The following CSMD3 variants were observed in gnomAD, a reference collection of about 807,000 sequenced individuals.
CSMD3 encodes the protein CUB and sushi domain-containing protein 3.
Under a neutral mutation model 435.2 loss-of-function variants are expected in CSMD3, and 177 were observed. The ratio of observed to expected loss-of-function variants is 0.41; its 90% CI spans 0.36 to 0.46. The LOEUF (loss-of-function observed/expected upper bound fraction) is 0.46, where lower values mean the gene tolerates loss of function less well. Among genes scored for constraint, CSMD3 ranks in the 20% least tolerant of loss-of-function variants. The pLI is 0.34. For synonymous variants in CSMD3, 1,656 were observed against 1,520.5 expected (o/e 1.09, Z -2.07); for missense variants, 4,265 against 4,504.6 (o/e 0.95, Z 1.52).
In CSMD3 at chr8:112,406,662, C is replaced by T; in HGVS notation, c.5671G>A (p.Gly1891Ser). Residue 1891 changes from glycine to serine, a missense_variant, in exon 35 of 71, where the codon GGC becomes AGC. Gly to Ser is a moderately conservative substitution (Grantham distance 56, BLOSUM62 0). Transcript: ENST00000297405. ...GATGAACCGACTGCAAATTCATTGC[C>T]AATTCTTCTTCCGAATCTTGGTTCA... ...VPEPRFGRRI[G>S]NEFAVGSSVL... is the part of the protein sequence containing the mutation. The T allele has an allele frequency of 1.2e-6, 2 of 1,612,192 alleles. No individual in the cohort carries two copies. The highest frequency in any genetic ancestry group is 1.7e-6 in the Non-Finnish European group (2 of 1,178,684).
At chr8:113,372,660 G>A (rs1283148126) in intron 1 of CSMD3, among the ~76,000 whole-genome samples, 1 of 152,080 alleles carries the variant, frequency 6.6e-6, no homozygotes, top group Non-Finnish European at 1.5e-5. Flanking sequence ...TAGGCCGGGC[G>A]CGGTGGCTCA....
At chr8:112,854,156 A>G (rs2080578852) in intron 11 of CSMD3, among the ~76,000 whole-genome samples, 1 of 152,196 alleles carries the variant, frequency 6.6e-6, no homozygotes, top group Non-Finnish European at 1.5e-5. Flanking sequence ...ACAATTCCCC[A>G]AATTAAATTC....
chr8:113,290,306 T>C (rs1205431403), intron 2 of CSMD3, among the ~76,000 whole-genome samples: 3 of 151,678 alleles, frequency 2.0e-5, no homozygotes, highest in Non-Finnish European at 3.0e-5. Flanking sequence ...GATGTTTTGA[T>C]AAAGAAACTA....
At chr8:113,134,050 G>A (rs1008648361) in intron 4 of CSMD3, among the ~76,000 whole-genome samples, 5 of 152,012 alleles carry the variant, frequency 3.3e-5, no homozygotes, top group African/African-American at 1.2e-4. Context: ...TATATTATAT[G>A]TTTTGTTACC....
At chr8:112,767,624 C>T (rs1404820686) in intron 13 of CSMD3, among the ~76,000 whole-genome samples, 1 of 151,754 alleles carries the variant, frequency 6.6e-6, no homozygotes, top group Non-Finnish European at 1.5e-5. Flanking sequence ...ACTCATATTT[C>T]ATACCTACTA....
At chr8:113,099,663 T>C (rs1360282585) in intron 4 of CSMD3, among the ~76,000 whole-genome samples, 1 of 152,060 alleles carries the variant, frequency 6.6e-6, no homozygotes, top group African/African-American at 2.4e-5. Context: ...CATTTGGAAC[T>C]GTGATTCTGA....
At chr8:112,743,095 TA>T (rs1486553271) in intron 13 of CSMD3, among the ~76,000 whole-genome samples, 3 of 152,086 alleles carry the variant, frequency 2.0e-5, no homozygotes, top group Non-Finnish European at 4.4e-5. Context: ...ACTCTGTGTG[TA>T]CACACATGTG....
At chr8:112,474,652 A>C (rs891680755) in intron 31 of CSMD3, among the ~76,000 whole-genome samples, 1 of 152,140 alleles carries the variant, frequency 6.6e-6, no homozygotes, top group Admixed American at 6.6e-5. Flanking sequence ...TTTTCCTTTT[A>C]AAGAGCACTG....
At chr8:112,853,930 C>G (rs2080570888) in intron 11 of CSMD3, among the ~76,000 whole-genome samples, 1 of 152,074 alleles carries the variant, frequency 6.6e-6, no homozygotes, top group South Asian at 2.1e-4. Context: ...AGCTCACATC[C>G]TTTCCTCAGA....
intron 32 of CSMD3, among the ~76,000 whole-genome samples, chr8:112,471,137 G>A (rs1206983401): frequency 2.0e-5 from 3 of 152,164 alleles, no homozygotes; most frequent in Non-Finnish European, 2.9e-5. Context: ...ATGTCTATTT[G>A]TCAGGACATT....
chr8:112,760,660 A>G lies in CSMD3; in HGVS notation c.1972+39502T>C, dbSNP rs571585079. Among the ~76,000 whole-genome samples, 35 of 152,248 alleles carry G rather than the reference A, an allele frequency of 2.3e-4. No homozygotes were observed. In the South Asian group the frequency reaches 5.8e-3, roughly 25 times the overall value. On this transcript the variant is annotated intron_variant, in intron 13 of 70. Coordinates refer to ENST00000297405, the MANE Select transcript of CSMD3 (RefSeq NM_198123.2). ...CAAATAAAAATATTCTTATCATCAC[A>G]TTTCCCCTTGAACTTCAATGAGTTT...
intron 12 of CSMD3, among the ~76,000 whole-genome samples, chr8:112,812,409 G>A (rs1477540087): frequency 6.6e-6 from 1 of 152,188 alleles, no homozygotes; most frequent in African/African-American, 2.4e-5. Context: ...AACCTGGGGA[G>A]AAGAGATGCA....
At chr8:112,678,598 A>T (rs558008854) in intron 16 of CSMD3, among the ~76,000 whole-genome samples, 6 of 152,226 alleles carry the variant, frequency 3.9e-5, no homozygotes, top group Admixed American at 1.3e-4. Context: ...CTTTAAGTGG[A>T]TTGAGGTTCT....
intron 45 of CSMD3, 137 bp from the exon 46 acceptor site, chr8:112,320,118 T>A: frequency 3.1e-6 from 2 of 644,304 alleles, no homozygotes; most frequent in Non-Finnish European, 5.5e-6. Context: ...GTCAATTACA[T>A]CTTTATTTTT....
intron 15 of CSMD3, among the ~76,000 whole-genome samples, chr8:112,684,512 A>G (rs1442074131): frequency 6.6e-6 from 1 of 152,078 alleles, no homozygotes; most frequent in East Asian, 1.9e-4. Flanking sequence ...CAATTGGTCA[A>G]TATCTGACAC....
chr8:112,677,117 C>G (rs1224314090), intron 16 of CSMD3, among the ~76,000 whole-genome samples: 1 of 151,886 alleles, frequency 6.6e-6, no homozygotes, highest in Non-Finnish European at 1.5e-5. Flanking sequence ...GTGCAGAGTA[C>G]AGTGGAGTGG....
chr8:112,948,533 GATGTATTA>G (rs1213710609), intron 8 of CSMD3, among the ~76,000 whole-genome samples: 1 of 151,952 alleles, frequency 6.6e-6, no homozygotes, highest in Non-Finnish European at 1.5e-5. Context: ...GAAAGTCAAA[GATGTATTA>G]ATTTTTTCAG....
intron 1 of CSMD3, among the ~76,000 whole-genome samples, chr8:113,431,716 T>A (rs958034260): frequency 8.4e-5 from 11 of 130,686 alleles, no homozygotes; most frequent in Admixed American, 2.2e-4. Flanking sequence ...AAGGTCAGAG[T>A]TTTTTTTTTT....
At chr8:112,810,506 T>C (rs1408973193) in intron 12 of CSMD3, among the ~76,000 whole-genome samples, 1 of 152,156 alleles carries the variant, frequency 6.6e-6, no homozygotes, top group Non-Finnish European at 1.5e-5. Flanking sequence ...GTCTATTATT[T>C]GCAGAGATTT....
Sources: allele counts gnomAD v4.1 joint callset (sites outside exome capture counted in the v4.1 genomes callset), GRCh38; gene constraint gnomAD v4.1.1; transcripts MANE v1.5; gene names NCBI Gene and HGNC (gene_info 2026-07-23, HGNC 2026-07-21).